The following CYTH4 variants were observed in gnomAD, a reference collection of about 807,000 sequenced individuals.
CYTH4 encodes cytohesin-4.
Under a neutral mutation model 57.5 loss-of-function variants are expected in CYTH4, and 22 were observed. That is an observed-to-expected ratio of 0.38 (90% CI 0.27 to 0.55). The LOEUF (loss-of-function observed/expected upper bound fraction) is 0.55. CYTH4 is among the 20% of genes least tolerant of loss of function. CYTH4 has a pLI of 0.74. For missense variants in CYTH4, 420 were observed against 535.6 expected, an observed-to-expected ratio of 0.78 and a Z score of 2.13; for synonymous variants, 186 against 206.5, an observed-to-expected ratio of 0.90 and a Z score of 0.85.
Position 37,295,685 on chromosome 22 carries a change from G to A in CYTH4, c.168-314G>A, listed in dbSNP as rs1238361475. 1.3e-5 allele frequency among the ~76,000 whole-genome samples: 2 copies of A among 152,170 alleles called. No individual in the cohort carries two copies. The highest frequency in any genetic ancestry group is 2.9e-5 in the Non-Finnish European group (2 of 68,034). On this transcript the variant is annotated intron_variant, in intron 3 of 12. Transcript: ENST00000248901. This position sits in a 1 kb window ranked among gnomAD's most constrained non-coding sequence, Gnocchi z 4.1. The stretch of plus-strand genomic sequence containing the variant: ...CCAGGAGCCTGGCTCCAGCACCTGC[G>A]TGCTCAGCCCTCGCCCCCTCCCCCG...
intron 8 of CYTH4, among the ~76,000 whole-genome samples, chr22:37,308,713 T>A (rs1929511098): frequency 6.6e-6 from 1 of 151,782 alleles, no homozygotes; most frequent in Non-Finnish European, 1.5e-5. Context: ...AGCATGCATG[T>A]GTGTGTGCGT....
intron 7 of CYTH4, among the ~76,000 whole-genome samples, chr22:37,301,226 C>T (rs1329145372): frequency 6.6e-6 from 1 of 152,150 alleles, no homozygotes; most frequent in African/African-American, 2.4e-5. Context: ...GGAGAGCAGT[C>T]AGGAGACGAT....
In CYTH4 at chr22:37,311,642, C is replaced by G; in HGVS notation, c.957+115C>G. ...CCAGGAAGCCAGGCTGTGCCCCTTA[C>G]ACCTTCCCTGTGGCTCAGGGCTGCC... is the stretch of plus-strand genomic sequence containing the variant. On this transcript the variant is annotated intron_variant, in intron 11 of 12. Transcript: ENST00000248901. This position sits in a 1 kb window ranked among gnomAD's most constrained non-coding sequence, Gnocchi z 4.4. The G allele has an allele frequency of 2.8e-6, 3 of 1,071,032 alleles. No homozygotes were observed. The highest frequency in any genetic ancestry group is 2.8e-6 in the Non-Finnish European group (2 of 711,306). The allele number at this position is 1,071,032 out of a possible 1,614,324, so 66.3% of individuals were successfully genotyped here.
chr22:37,313,337 G>T, intron 12 of CYTH4, 102 bp from the exon 13 acceptor site: 1 of 1,213,656 alleles, frequency 8.2e-7, no homozygotes, highest in South Asian at 1.3e-5. Context: ...AGAGCAGGCT[G>T]ACACCTCCCT....
chr22:37,314,449 G>A lies in CYTH4; in HGVS notation c.*938G>A, dbSNP rs574097566. 6.8e-5 allele frequency: 27 copies of A among 398,778 alleles called. No homozygotes were observed. The highest frequency in any genetic ancestry group is 3.1e-4 in the African/African-American group (15 of 48,760). 24.7% of individuals were successfully genotyped at this position (398,778 alleles called of 1,614,324 possible). A position where few individuals can be genotyped will look rare whatever the true frequency, so the allele number is the denominator to read the frequency against. On this transcript the variant is annotated 3_prime_UTR_variant, in exon 13 of 13. Coordinates refer to ENST00000248901, the MANE Select transcript of CYTH4 (RefSeq NM_013385.5). ...CAAGAAGCCAAGAAGGGAGAGTTTC[G>A]TGCACTGTGGTTAACAGGAGGGCTG...
chr22:37,299,037 A>G (rs956746165), intron 5 of CYTH4, among the ~76,000 whole-genome samples, 189 bp from the exon 6 acceptor site: 3 of 152,136 alleles, frequency 2.0e-5, no homozygotes, highest in Non-Finnish European at 2.9e-5. Context: ...GTGTTCCTGC[A>G]TGGGAGGACA....
chr22:37,298,967 C>T lies in CYTH4; in HGVS notation c.354-259C>T, dbSNP rs994806006. Among the ~76,000 whole-genome samples, 1 of 152,124 alleles carries T rather than the reference C, an allele frequency of 6.6e-6. No homozygotes were observed. The highest frequency in any genetic ancestry group is 2.4e-5 in the African/African-American group (1 of 41,398). ...GGAAGGCCTGGACTGAGGGCAAGGC[C>T]GCTCCAAAGCCAGGGCTCCCCTCCC... On this transcript the variant is annotated intron_variant, in intron 5 of 12. Transcript: ENST00000248901. The surrounding 1 kb of genome is among the most constrained non-coding windows in gnomAD (Gnocchi z 4.1).
At chr22:37,304,796 G>C (rs1929337636) in intron 8 of CYTH4, among the ~76,000 whole-genome samples, 2 of 152,160 alleles carry the variant, frequency 1.3e-5, no homozygotes, top group African/African-American at 2.4e-5. Flanking sequence ...AGGTGACCTT[G>C]GGCAATGACT....
At chr22:37,301,575 A>G (rs1929184263) in intron 7 of CYTH4, among the ~76,000 whole-genome samples, 1 of 151,526 alleles carries the variant, frequency 6.6e-6, no homozygotes, top group African/African-American at 2.4e-5. Flanking sequence ...GCGAGGGACC[A>G]TCCTGGCCTC....
chr22:37,303,272 C>G lies in CYTH4; in HGVS notation c.566C>G (p.Ser189Cys). ...TCCGCAGACACCTGCTACGTGTTGTCCTTCTCCATCATCATGCTCAACACC... is the reference window on the plus strand; with the variant it reads ...TCCGCAGACACCTGCTACGTGTTGTGCTTCTCCATCATCATGCTCAACACC... ...FQSTDTCYVL[S>C]FSIIMLNTSL... Residue 189 changes from serine to cysteine, a missense_variant, in exon 8 of 13, where the codon TCC becomes TGC. Physicochemically the swap from Ser to Cys is moderately radical, Grantham distance 112. Transcript: ENST00000248901. 2 of 1,614,194 alleles carry G rather than the reference C, an allele frequency of 1.2e-6. No individual in the cohort carries two copies. The highest frequency in any genetic ancestry group is 1.7e-6 in the Non-Finnish European group (2 of 1,180,032).
chr22:37,311,158 T>C lies in CYTH4; in HGVS notation c.885+94T>C. ...ACTGAGCAGTCGACTCACACAGCTT[T>C]GGATCCTTTGAGATCATTCAGTCCC... is the stretch of plus-strand genomic sequence containing the variant. On this transcript the variant is annotated intron_variant, in intron 10 of 12. Coordinates refer to ENST00000248901, the MANE Select transcript of CYTH4 (RefSeq NM_013385.5). The surrounding 1 kb of genome is among the most constrained non-coding windows in gnomAD (Gnocchi z 4.4). 7.2e-7 allele frequency: 1 copy of C among 1,388,314 alleles called. No homozygotes were observed. Among genetic ancestry groups the C allele is most frequent in the Non-Finnish European group, 1.0e-6 (1 of 981,790 alleles). 86.0% of individuals were successfully genotyped at this position (1,388,314 alleles called of 1,614,324 possible).
intron 8 of CYTH4, chr22:37,304,108 G>T (rs1929305107): frequency 2.2e-6 from 1 of 450,362 alleles, no homozygotes; most frequent in Non-Finnish European, 4.5e-6. Flanking sequence ...TGCTCTGGGG[G>T]CAGGGAAGGG....
At chr22:37,307,731 G>T (rs1229492828) in intron 8 of CYTH4, among the ~76,000 whole-genome samples, 3 of 152,230 alleles carry the variant, frequency 2.0e-5, no homozygotes, top group Non-Finnish European at 4.4e-5. Flanking sequence ...GAAAGGAAAT[G>T]ATTTCATCCT....
At chr22:37,284,587 A>T (rs1928480838) in intron 1 of CYTH4, among the ~76,000 whole-genome samples, 1 of 152,142 alleles carries the variant, frequency 6.6e-6, no homozygotes, top group Admixed American at 6.5e-5. Flanking sequence ...TGTCATCTCT[A>T]CGTGGGTGCC....
At chr22:37,300,801 C>G (rs901339989) in intron 6 of CYTH4, 106 bp from the exon 7 acceptor site, 2 of 882,540 alleles carry the variant, frequency 2.3e-6, no homozygotes, top group African/African-American at 3.4e-5. Context: ...TGCAGATTCC[C>G]CCATTTACAG....
Position 37,314,653 on chromosome 22 carries a change from T to A in CYTH4, c.*1142T>A. On this transcript the variant is annotated 3_prime_UTR_variant, in exon 13 of 13. Coordinates refer to ENST00000248901, the MANE Select transcript of CYTH4 (RefSeq NM_013385.5). The stretch of plus-strand genomic sequence containing the variant: ...AAGTATTATCAGAGTAGAGCTGACT[T>A]CCAGTACCCGGGCAGCCAGCTCTGT... 1 of 378,654 alleles carries A rather than the reference T, an allele frequency of 2.6e-6. No homozygotes were observed. Among genetic ancestry groups the A allele is most frequent in the Non-Finnish European group, 4.7e-6 (1 of 213,802 alleles). The allele number at this position is 378,654 out of a possible 1,614,324, so 23.5% of individuals were successfully genotyped here. A position where few individuals can be genotyped will look rare whatever the true frequency, so the allele number is the denominator to read the frequency against.
chr22:37,306,400 GTTA>G (rs1014172005), intron 8 of CYTH4, among the ~76,000 whole-genome samples: 10 of 152,196 alleles, frequency 6.6e-5, no homozygotes, highest in Admixed American at 1.3e-4. Context: ...AGTACTTTAC[GTTA>G]TTAAGTCATC....
chr22:37,288,451 T>G (rs1928630659), intron 1 of CYTH4, among the ~76,000 whole-genome samples: 1 of 151,970 alleles, frequency 6.6e-6, no homozygotes, highest in Admixed American at 6.6e-5. Flanking sequence ...CCGGGCATGG[T>G]GGTGCATGCC....
intron 4 of CYTH4, among the ~76,000 whole-genome samples, chr22:37,297,104 G>T (rs945226371): frequency 2.6e-5 from 4 of 152,208 alleles, no homozygotes; most frequent in South Asian, 4.1e-4. Context: ...TAGGGCCCGG[G>T]CAATTTCCTC....
Sources: gnomAD v4.1 joint callset for allele counts (sites outside exome capture counted in the v4.1 genomes callset) on GRCh38, gnomAD v4.1.1 for gene constraint, Gnocchi (gnomAD v3.1) non-coding constraint, MANE v1.5 for transcripts, NCBI Gene and HGNC (gene_info 2026-07-23, HGNC 2026-07-21) for gene names.